Variants in ZBTB16 observed in about 807,000 individuals in gnomAD.
ZBTB16 encodes the protein zinc finger and BTB domain-containing protein 16.
A neutral mutation model predicts 56.8 loss-of-function variants in ZBTB16; 8 were observed. The observed-to-expected ratio is 0.14, with a 90% CI of 0.08 to 0.25. ZBTB16 has a LOEUF of 0.25. Among genes scored for constraint, ZBTB16 ranks in the 10% least tolerant of loss-of-function variants. The pLI, the probability that ZBTB16 is intolerant of heterozygous loss-of-function variation, is 1.00. For missense variants in ZBTB16, 625 were observed against 903.0 expected, an observed-to-expected ratio of 0.69 and a Z score of 3.95; for synonymous variants, 363 against 368.5, an observed-to-expected ratio of 0.98 and a Z score of 0.17.
At chr11:114,203,851 C>T (rs78510498) in intron 4 of ZBTB16, among the ~76,000 whole-genome samples, 196 of 152,234 alleles carry the variant, frequency 1.3e-3, no homozygotes, top group African/African-American at 4.6e-3. Flanking sequence ...CCTTGCCCTC[C>T]CCATTCCTCC....
At chr11:114,201,281 T>C (rs1449571789) in intron 4 of ZBTB16, among the ~76,000 whole-genome samples, 3 of 152,054 alleles carry the variant, frequency 2.0e-5, no homozygotes, top group African/African-American at 7.2e-5. Flanking sequence ...AGACAACCTC[T>C]TCTGAGTTAG....
chr11:114,229,904 A>G (rs565480021), intron 4 of ZBTB16, among the ~76,000 whole-genome samples: 9 of 152,290 alleles, frequency 5.9e-5, no homozygotes, highest in Admixed American at 2.6e-4. Flanking sequence ...AAAAGAGTCA[A>G]TTTCTGAAAA....
rs1944932956 is a variant in ZBTB16, at chr11:114,252,409, G to C, written c.*1854G>C. On this transcript the variant is annotated 3_prime_UTR_variant, in exon 7 of 7. Coordinates refer to ENST00000335953, the MANE Select transcript of ZBTB16 (RefSeq NM_006006.6). ...GGGGGCGGGATCCAGCCTTTGTTTT[G>C]TTGTGTTGGGGTGGGGGTGTTGTTT... Among the ~76,000 whole-genome samples the C allele has an allele frequency of 6.6e-6, 1 of 151,860 alleles. No individual in the cohort carries two copies. The highest frequency in any genetic ancestry group is 6.6e-5 in the Admixed American group (1 of 15,240).
At chr11:114,087,354 T>C (rs888064325) in intron 2 of ZBTB16, among the ~76,000 whole-genome samples, 1 of 152,234 alleles carries the variant, frequency 6.6e-6, no homozygotes, top group Non-Finnish European at 1.5e-5. Context: ...TCTTTTCTTG[T>C]GTTTCACACA....
At chr11:114,176,542 G>C (rs1383191358) in intron 3 of ZBTB16, among the ~76,000 whole-genome samples, 1 of 152,162 alleles carries the variant, frequency 6.6e-6, no homozygotes, top group African/African-American at 2.4e-5. Flanking sequence ...CCTTGAGAAG[G>C]ATTCTGCTGG....
chr11:114,078,324 C>T (rs1469918553), intron 2 of ZBTB16, among the ~76,000 whole-genome samples: 3 of 152,184 alleles, frequency 2.0e-5, no homozygotes, highest in Non-Finnish European at 2.9e-5. Context: ...GTCTCCCACC[C>T]CTACAAGTTG....
chr11:114,138,577 T>G (rs967294217), intron 2 of ZBTB16, among the ~76,000 whole-genome samples: 4 of 152,228 alleles, frequency 2.6e-5, no homozygotes, highest in Non-Finnish European at 2.9e-5. Context: ...TCTTTGAATC[T>G]CTCTGTGGTG....
At chr11:114,069,466 C>T (rs576009777) in intron 2 of ZBTB16, among the ~76,000 whole-genome samples, 72 of 152,346 alleles carry the variant, frequency 4.7e-4, no homozygotes, top group Middle Eastern at 6.8e-3. Flanking sequence ...TACAGCCCTT[C>T]CCAGAGGCTT....
rs144726594 is a variant in ZBTB16 at position 114,064,462 on chromosome 11, C to A, written c.1162C>A (p.Leu388Met). 6.2e-7 allele frequency: 1 copy of A among 1,614,144 alleles called. No individual in the cohort carries two copies. The highest frequency in any genetic ancestry group is 8.5e-7 in the Non-Finnish European group (1 of 1,180,032). Residue 388 changes from leucine to methionine, a missense_variant, in exon 2 of 7, where the codon CTG (leucine) becomes ATG (methionine). Leu to Met is a conservative substitution (Grantham distance 15). Coordinates refer to ENST00000335953, the MANE Select transcript of ZBTB16 (RefSeq NM_006006.6). This position sits in a 1 kb window ranked among gnomAD's most constrained non-coding sequence, Gnocchi z 4.2. ...GFIQRELFSK[L>M]GELAVGMKSE... ...CATCCAGAGGGAGCTGTTCAGCAAG[C>A]TGGGGGAGCTGGCTGTGGGCATGAA...
intron 4 of ZBTB16, among the ~76,000 whole-genome samples, chr11:114,235,660 T>TTC (rs1238000812): frequency 3.3e-4 from 8 of 23,914 alleles, no homozygotes; most frequent in Non-Finnish European, 3.3e-4. Flanking sequence ...CTTTCTTTCT[T>TTC]TCTTTCTTTC....
At chr11:114,137,039 C>A (rs1941815344) in intron 2 of ZBTB16, among the ~76,000 whole-genome samples, 1 of 152,146 alleles carries the variant, frequency 6.6e-6, no homozygotes, top group Non-Finnish European at 1.5e-5. Context: ...TGAGTACATT[C>A]ATTTATTCCT....
chr11:114,080,797 TA>T lies in ZBTB16; in HGVS notation c.1268+16231del, dbSNP rs1376328621. Among the ~76,000 whole-genome samples the T allele has an allele frequency of 3.9e-5, 6 of 152,342 alleles. No homozygotes were observed. In the East Asian group the frequency reaches 7.7e-4, roughly 20 times the overall value. On this transcript the variant is annotated intron_variant, in intron 2 of 6. Transcript: ENST00000335953. ...GAGAGGGACTGGCTTATTCACTAGCTAAGGTTTGTTTATTTTCGGAAGGTTG... is the reference window on the plus strand; with the variant it reads ...GAGAGGGACTGGCTTATTCACTAGCTAGGTTTGTTTATTTTCGGAAGGTTG...
At chr11:114,230,645 G>GGAGGA (rs1375612792) in intron 4 of ZBTB16, among the ~76,000 whole-genome samples, 1 of 114,418 alleles carries the variant, frequency 8.7e-6, no homozygotes, top group African/African-American at 3.8e-5. Flanking sequence ...GGGGGGGCGG[G>GGAGGA]AAGGAGAGGA....
At chr11:114,141,824 C>T (rs576372799) in intron 2 of ZBTB16, among the ~76,000 whole-genome samples, 24 of 152,300 alleles carry the variant, frequency 1.6e-4, no homozygotes, top group South Asian at 4.1e-4. Context: ...TAAAAATACC[C>T]GCTTCATAGA....
At chr11:114,229,628 T>C (rs1199442317) in intron 4 of ZBTB16, among the ~76,000 whole-genome samples, 6 of 152,220 alleles carry the variant, frequency 3.9e-5, no homozygotes, top group African/African-American at 7.2e-5. Context: ...CGTTCTCTGC[T>C]CCTTTATCTT....
intron 2 of ZBTB16, among the ~76,000 whole-genome samples, chr11:114,067,669 A>G (rs1939167414): frequency 6.6e-6 from 1 of 152,120 alleles, no homozygotes; most frequent in Admixed American, 6.5e-5. Context: ...GGCCTCCCAT[A>G]GTGCTGGGAT....
At position 114,254,965 on chromosome 11, in the gene ZBTB16, C is replaced by T. The variant is rs1944976407; in HGVS notation, c.*4410C>T. On this transcript the variant is annotated 3_prime_UTR_variant, in exon 7 of 7. Transcript: ENST00000335953. ...GCCAGCAGCTGCGGCCTCCCCGGGC[C>T]CTTGGCATCCAACTTCGCAGACAGG... Among the ~76,000 whole-genome samples the T allele has an allele frequency of 6.6e-6, 1 of 152,152 alleles. No homozygotes were observed. Among genetic ancestry groups the T allele is most frequent in the Non-Finnish European group, 1.5e-5 (1 of 68,036 alleles).
chr11:114,079,096 T>A (rs1337597794), intron 2 of ZBTB16, among the ~76,000 whole-genome samples: 3 of 125,914 alleles, frequency 2.4e-5, no homozygotes, highest in African/African-American at 8.8e-5. Flanking sequence ...AGACTTTGTC[T>A]CATTAAAAAA....
At chr11:114,228,560 G>A (rs965066500) in intron 4 of ZBTB16, among the ~76,000 whole-genome samples, 4 of 152,204 alleles carry the variant, frequency 2.6e-5, no homozygotes, top group African/African-American at 9.7e-5. Flanking sequence ...TTAAGAAGCC[G>A]TGCCTAGACC....
Sources: allele counts gnomAD v4.1 joint callset (sites outside exome capture counted in the v4.1 genomes callset), GRCh38; gene constraint gnomAD v4.1.1; non-coding constraint Gnocchi (gnomAD v3.1); transcripts MANE v1.5; gene names NCBI Gene and HGNC (gene_info 2026-07-23, HGNC 2026-07-21).